Variants in FAF1 observed in about 807,000 individuals in gnomAD.
The protein encoded by FAF1 is Fas associated factor 1.
In FAF1, 25 loss-of-function variants were observed where a neutral mutation model predicts 92.5. The observed-to-expected ratio is 0.27, with a 90% CI of 0.20 to 0.38. The LOEUF is 0.38. Ranked by LOEUF, FAF1 falls within the 10% of genes least tolerant of loss-of-function variation. FAF1 has a pLI of 1.00. For missense variants in FAF1, 636 were observed against 793.3 expected, an observed-to-expected ratio of 0.80 and a Z score of 2.38; for synonymous variants, 234 against 273.2, an observed-to-expected ratio of 0.86 and a Z score of 1.42.
At chr1:50,677,895 C>CAAAAA (rs1036524797) in intron 7 of FAF1, among the ~76,000 whole-genome samples, 3 of 62,542 alleles carry the variant, frequency 4.8e-5, no homozygotes, top group African/African-American at 1.7e-4. Context: ...AACTCTGCCT[C>CAAAAA]AAAAAAAAAA....
intron 8 of FAF1, among the ~76,000 whole-genome samples, chr1:50,648,574 G>A (rs1193013596): frequency 6.6e-6 from 1 of 152,132 alleles, no homozygotes; most frequent in Non-Finnish European, 1.5e-5. Flanking sequence ...GTACATAAAG[G>A]AGCCATTGAA....
chr1:50,471,759 T>C (rs1646575473), intron 18 of FAF1, among the ~76,000 whole-genome samples: 1 of 152,112 alleles, frequency 6.6e-6, no homozygotes, highest in African/African-American at 2.4e-5. Flanking sequence ...CCTTTCCTAG[T>C]GCTTTCCAGT....
intron 1 of FAF1, among the ~76,000 whole-genome samples, chr1:50,908,508 A>C (rs1480981017): frequency 1.3e-5 from 2 of 152,142 alleles, no homozygotes; most frequent in Non-Finnish European, 2.9e-5. Context: ...TGGGCGTCTA[A>C]GTCTCTTTGT....
At chr1:50,574,940 G>A (rs1267596876) in intron 12 of FAF1, among the ~76,000 whole-genome samples, 3 of 113,476 alleles carry the variant, frequency 2.6e-5, no homozygotes, top group Non-Finnish European at 4.9e-5. Context: ...ACAGGGTCTC[G>A]CTCTGTCACC....
At chr1:50,729,056 A>ATTTTT (rs1481654972) in intron 6 of FAF1, among the ~76,000 whole-genome samples, 30 of 105,782 alleles carry the variant, frequency 2.8e-4, no homozygotes, top group African/African-American at 7.2e-4. Context: ...ATATATATAT[A>ATTTTT]TATTTTTTTT....
At chr1:50,566,307 T>C (rs1650172544) in intron 13 of FAF1, among the ~76,000 whole-genome samples, 1 of 152,090 alleles carries the variant, frequency 6.6e-6, no homozygotes, top group South Asian at 2.1e-4. Context: ...GTGACTAAAA[T>C]ATGCTTGCCT....
At chr1:50,680,019 T>A (rs749581335) in intron 7 of FAF1, among the ~76,000 whole-genome samples, 7 of 152,220 alleles carry the variant, frequency 4.6e-5, no homozygotes, top group Admixed American at 2.6e-4. Context: ...CTGTGATAGA[T>A]CTATAATACA....
At chr1:50,755,466 G>A (rs1247808996) in intron 4 of FAF1, among the ~76,000 whole-genome samples, 1 of 152,194 alleles carries the variant, frequency 6.6e-6, no homozygotes, top group African/African-American at 2.4e-5. Context: ...CATACCTCCT[G>A]GCTGCTTTCA....
chr1:50,884,895 A>G (rs1293760809), intron 1 of FAF1, among the ~76,000 whole-genome samples: 1 of 152,126 alleles, frequency 6.6e-6, no homozygotes, highest in Non-Finnish European at 1.5e-5. Context: ...GAGACCATTG[A>G]GTCCCAGGCT....
Position 50,744,165 on chromosome 1 carries a change from A to G in FAF1, c.459+519T>C, listed in dbSNP as rs193139466. 3.3e-3 allele frequency among the ~76,000 whole-genome samples: 505 copies of G among 152,334 alleles called. 6 individuals are homozygous for G. The highest frequency in any genetic ancestry group is 0.011 in the African/African-American group (467 of 41,564). On this transcript the variant is annotated intron_variant, in intron 5 of 18. Transcript: ENST00000396153. Reference sequence around the variant, plus strand: ...CTTAAAATTGCAATACTCTCTGCAAATTCTTAAAATATAATTCATTCCATG... The same window carrying G: ...CTTAAAATTGCAATACTCTCTGCAAGTTCTTAAAATATAATTCATTCCATG...
intron 18 of FAF1, among the ~76,000 whole-genome samples, chr1:50,472,281 G>A (rs1356294178): frequency 1.3e-5 from 2 of 151,400 alleles, no homozygotes; most frequent in Non-Finnish European, 2.9e-5. Context: ...ATGTACATAC[G>A]GCTCTAACAT....
rs1047069655 is a variant in FAF1, at chr1:50,687,478, G to A, written c.657+18308C>T. 5.9e-5 allele frequency among the ~76,000 whole-genome samples: 9 copies of A among 152,002 alleles called. No homozygotes were observed. The South Asian group carries it at 1.0e-3, about 18-fold the overall frequency. ...ATGATGCTCAAAACTGGCCGGGTGC[G>A]ATGGCTCATGCCTGTAATTCCAGCA... On this transcript the variant is annotated intron_variant, in intron 7 of 18. Transcript: ENST00000396153.
chr1:50,705,172 C>G (rs55721112), intron 7 of FAF1, among the ~76,000 whole-genome samples: 7,759 of 152,266 alleles, frequency 0.051, 635 homozygotes, highest in African/African-American at 0.18. Flanking sequence ...TTTTAGGTGG[C>G]TGGGGCCCAA....
chr1:50,719,852 T>C (rs1363028184), intron 6 of FAF1, among the ~76,000 whole-genome samples: 1 of 152,216 alleles, frequency 6.6e-6, no homozygotes, highest in East Asian at 1.9e-4. Flanking sequence ...GAACTATCAA[T>C]AGGCAATAAA....
chr1:50,472,410 CACACACACACACAA>C (rs1424082365), intron 18 of FAF1, among the ~76,000 whole-genome samples: 1 of 149,892 alleles, frequency 6.7e-6, no homozygotes, highest in African/African-American at 2.5e-5. Flanking sequence ...CACACACACA[CACACACACACACAA>C]ACCCCAAAAC....
chr1:50,639,811 G>A (rs1396840775), intron 8 of FAF1, among the ~76,000 whole-genome samples: 1 of 151,802 alleles, frequency 6.6e-6, no homozygotes, highest in Non-Finnish European at 1.5e-5. Flanking sequence ...GCATGCACCT[G>A]TAGTCCCAGC....
chr1:50,897,512 G>A (rs1476347645), intron 1 of FAF1, among the ~76,000 whole-genome samples: 1 of 152,184 alleles, frequency 6.6e-6, no homozygotes, highest in African/African-American at 2.4e-5. Context: ...AGAGGGAACT[G>A]GACTAGGTCA....
chr1:50,462,110 G>A (rs537456846), intron 18 of FAF1: 169 of 148,348 alleles, frequency 1.1e-3, no homozygotes, highest in African/African-American at 3.8e-3. Context: ...TAAAAACTTG[G>A]GAGGTTGTGC....
intron 8 of FAF1, among the ~76,000 whole-genome samples, chr1:50,600,135 G>A (rs1186128896): frequency 6.6e-6 from 1 of 152,144 alleles, no homozygotes; most frequent in Non-Finnish European, 1.5e-5. Flanking sequence ...AATTGCCAAT[G>A]ACAAAATTTG....
Sources: gnomAD v4.1 joint callset for allele counts (sites outside exome capture counted in the v4.1 genomes callset) on GRCh38, gnomAD v4.1.1 for gene constraint, MANE v1.5 for transcripts, NCBI Gene and HGNC (gene_info 2026-07-23, HGNC 2026-07-21) for gene names.